ZNF385B: variants seen among roughly 807,000 people sequenced by gnomAD.
The protein encoded by ZNF385B is zinc finger protein 533.
A neutral mutation model predicts 39.2 loss-of-function variants in ZNF385B; 23 were observed. That is an observed-to-expected ratio of 0.59 (90% CI 0.42 to 0.83). The LOEUF (loss-of-function observed/expected upper bound fraction) is 0.83. Ranked by LOEUF, ZNF385B falls within the 40% of genes least tolerant of loss-of-function variation. ZNF385B has a pLI of 0.00. For missense variants in ZNF385B, 552 were observed against 598.9 expected, an observed-to-expected ratio of 0.92 and a Z score of 0.82; for synonymous variants, 205 against 222.6, an observed-to-expected ratio of 0.92 and a Z score of 0.70.
chr2:179,544,592 T>C (rs1002825658), intron 4 of ZNF385B, among the ~76,000 whole-genome samples: 9 of 152,284 alleles, frequency 5.9e-5, no homozygotes, highest in East Asian at 5.8e-4. Context: ...ACACAACAGG[T>C]GAAAATTTTT....
chr2:179,532,144 G>A (rs968656285), intron 4 of ZNF385B, among the ~76,000 whole-genome samples: 2 of 152,162 alleles, frequency 1.3e-5, no homozygotes, highest in African/African-American at 4.8e-5. Context: ...TCACGTGACT[G>A]CAAGGAGGCT....
intron 3 of ZNF385B, among the ~76,000 whole-genome samples, chr2:179,666,641 C>G (rs1695193122): frequency 6.6e-6 from 1 of 151,864 alleles, no homozygotes; most frequent in African/African-American, 2.4e-5. Context: ...AGAGGAAAAT[C>G]ATCTTTTTTT....
At chr2:179,680,094 G>C (rs927197794) in intron 3 of ZNF385B, among the ~76,000 whole-genome samples, 3 of 152,112 alleles carry the variant, frequency 2.0e-5, no homozygotes, top group Non-Finnish European at 4.4e-5. Context: ...TTTTAGGAAT[G>C]CAAGATTGGT....
chr2:179,664,061 T>A (rs1294340335), intron 3 of ZNF385B, among the ~76,000 whole-genome samples: 11 of 67,440 alleles, frequency 1.6e-4, no homozygotes, highest in Admixed American at 9.5e-4. Flanking sequence ...GTAAAAAATA[T>A]TTTTTTTTTT....
At chr2:179,808,267 T>C (rs866085214) in intron 1 of ZNF385B, among the ~76,000 whole-genome samples, 67 of 152,182 alleles carry the variant, frequency 4.4e-4, no homozygotes, top group Middle Eastern at 3.4e-3. Flanking sequence ...CTCCTGACCT[T>C]GTGATCCGCC....
chr2:179,845,049 A>G (rs148563821), intron 1 of ZNF385B, among the ~76,000 whole-genome samples: 1 of 152,286 alleles, frequency 6.6e-6, no homozygotes, highest in East Asian at 1.9e-4. Context: ...CAAACACCAT[A>G]CAAGACTGAT....
intron 4 of ZNF385B, among the ~76,000 whole-genome samples, chr2:179,532,332 T>C (rs1414474961): frequency 1.3e-5 from 2 of 152,134 alleles, no homozygotes; most frequent in Admixed American, 6.6e-5. Context: ...GGAAAATAAA[T>C]AGAGCAAATG....
chr2:179,475,494 T>G (rs2053311953), intron 6 of ZNF385B, among the ~76,000 whole-genome samples: 1 of 151,560 alleles, frequency 6.6e-6, no homozygotes, highest in South Asian at 2.1e-4. Flanking sequence ...TTGTGATCCA[T>G]CCGCCTCAGC....
intron 1 of ZNF385B, among the ~76,000 whole-genome samples, chr2:179,793,451 T>C (rs182131667): frequency 1.3e-5 from 2 of 152,230 alleles, no homozygotes; most frequent in African/African-American, 4.8e-5. Context: ...TGGGAGGTGA[T>C]TGGATCATGG....
chr2:179,517,161 T>C (rs2058150209), intron 5 of ZNF385B, among the ~76,000 whole-genome samples: 1 of 151,896 alleles, frequency 6.6e-6, no homozygotes, highest in South Asian at 2.1e-4. Flanking sequence ...AGAGTAAGTA[T>C]TAAAATCAGG....
chr2:179,454,734 G>T (rs2050503508), intron 6 of ZNF385B, among the ~76,000 whole-genome samples: 1 of 152,010 alleles, frequency 6.6e-6, no homozygotes, highest in African/African-American at 2.4e-5. Context: ...ATAAAAGAGT[G>T]TAAAAAGTGA....
intron 3 of ZNF385B, among the ~76,000 whole-genome samples, chr2:179,660,796 A>G (rs1050871589): frequency 2.0e-5 from 3 of 152,332 alleles, no homozygotes; most frequent in East Asian, 3.9e-4. Flanking sequence ...TCTGGGCCCA[A>G]AAGAAGAATA....
chr2:179,720,873 C>A (rs1378124100), intron 3 of ZNF385B, among the ~76,000 whole-genome samples: 1 of 151,494 alleles, frequency 6.6e-6, no homozygotes, highest in Non-Finnish European at 1.5e-5. Flanking sequence ...GATACTCCTG[C>A]CTCAGCCTCC....
At chr2:179,588,214 G>A (rs540285258) in intron 3 of ZNF385B, among the ~76,000 whole-genome samples, 13 of 152,090 alleles carry the variant, frequency 8.5e-5, no homozygotes, top group Admixed American at 4.6e-4. Context: ...TCAGCCTCCC[G>A]AGTAGCTGGG....
At chr2:179,504,008 C>G (rs1018918072) in intron 5 of ZNF385B, among the ~76,000 whole-genome samples, 13 of 150,460 alleles carry the variant, frequency 8.6e-5, no homozygotes, top group African/African-American at 3.2e-4. Flanking sequence ...GTATATCTCC[C>G]AGTGCTATCC....
chr2:179,599,321 T>C (rs1688234884), intron 3 of ZNF385B, among the ~76,000 whole-genome samples: 1 of 152,216 alleles, frequency 6.6e-6, no homozygotes, highest in South Asian at 2.1e-4. Context: ...TGACTTAATG[T>C]CAAGTTTGTG....
At chr2:179,598,376 G>C (rs1688160466) in intron 3 of ZNF385B, among the ~76,000 whole-genome samples, 1 of 152,006 alleles carries the variant, frequency 6.6e-6, no homozygotes, top group South Asian at 2.1e-4. Context: ...GCTTTTCTGT[G>C]ATTAAGGTTA....
intron 3 of ZNF385B, among the ~76,000 whole-genome samples, chr2:179,554,505 A>G (rs2060782120): frequency 6.7e-6 from 1 of 149,152 alleles, no homozygotes; most frequent in Non-Finnish European, 1.5e-5. Flanking sequence ...TTTCTGGATT[A>G]AAAGGTAAAA....
intron 3 of ZNF385B, among the ~76,000 whole-genome samples, chr2:179,567,890 T>A (rs2105985480): frequency 6.6e-6 from 1 of 152,330 alleles, no homozygotes; most frequent in East Asian, 1.9e-4. Flanking sequence ...GGACTACAGC[T>A]AATGGCTCTT....
Sources: allele counts gnomAD v4.1 joint callset (sites outside exome capture counted in the v4.1 genomes callset), GRCh38; gene constraint gnomAD v4.1.1; transcripts MANE v1.5; gene names NCBI Gene and HGNC (gene_info 2026-07-23, HGNC 2026-07-21).